The following MKX variants were observed in gnomAD, a reference collection of about 807,000 sequenced individuals.
The protein encoded by MKX is homeobox protein Mohawk.
A neutral mutation model predicts 36.0 loss-of-function variants in MKX; 13 were observed. That is an observed-to-expected ratio of 0.36 (90% CI 0.24 to 0.57). MKX has a LOEUF of 0.57. Among genes scored for constraint, MKX ranks in the 20% least tolerant of loss-of-function variants. MKX has a pLI of 0.79. For synonymous variants in MKX, 176 were observed against 178.3 expected (o/e 0.99, Z 0.10); for missense variants, 458 against 456.4 (o/e 1.00, Z -0.03).
intron 5 of MKX, among the ~76,000 whole-genome samples, chr10:27,679,506 C>T (rs897448905): frequency 2.6e-5 from 4 of 152,174 alleles, no homozygotes; most frequent in African/African-American, 9.7e-5. Flanking sequence ...TGCTCAGTGT[C>T]ACTAGGGTAT....
chr10:27,720,954 C>A (rs1834364072), intron 5 of MKX, among the ~76,000 whole-genome samples: 1 of 152,024 alleles, frequency 6.6e-6, no homozygotes, highest in East Asian at 1.9e-4. Context: ...TTGAAAAGAA[C>A]TCATCTGCAA....
chr10:27,678,423 G>C (rs533069886), intron 5 of MKX, among the ~76,000 whole-genome samples: 1 of 152,228 alleles, frequency 6.6e-6, no homozygotes, highest in African/African-American at 2.4e-5. Context: ...AATAATTTCC[G>C]TGAGGCTTAA....
At chr10:27,717,082 A>C (rs919283761) in intron 5 of MKX, among the ~76,000 whole-genome samples, 16 of 152,162 alleles carry the variant, frequency 1.1e-4, no homozygotes, top group African/African-American at 3.9e-4. Context: ...GGAGTTGGGC[A>C]GCCTCTAGAA....
intron 5 of MKX, among the ~76,000 whole-genome samples, chr10:27,712,691 G>T (rs1211406329): frequency 6.6e-6 from 1 of 152,192 alleles, no homozygotes; most frequent in South Asian, 2.1e-4. Flanking sequence ...GCTCAGGCCT[G>T]TCATCCCAAC....
rs146763999 is a variant in MKX at position 27,700,968 on chromosome 10, A to C, written c.839-25414T>G. ...TTTTGTGGGTACATAGTAGGTGTAT[A>C]TACCTATTTTATTATTGAATAAACT... is the stretch of plus-strand genomic sequence containing the variant. On this transcript the variant is annotated intron_variant, in intron 5 of 6. Coordinates refer to ENST00000419761, the MANE Select transcript of MKX (RefSeq NM_173576.3). 3.4e-3 allele frequency among the ~76,000 whole-genome samples: 512 copies of C among 152,298 alleles called. 4 individuals are homozygous for C. Among genetic ancestry groups the C allele is most frequent in the African/African-American group, 0.012 (494 of 41,560 alleles).
At chr10:27,681,303 G>T (rs999074226) in intron 5 of MKX, among the ~76,000 whole-genome samples, 3 of 152,016 alleles carry the variant, frequency 2.0e-5, no homozygotes, top group African/African-American at 7.3e-5. Context: ...CAAAAAATTA[G>T]CCAGGCGTGG....
At chr10:27,723,212 G>T (rs946028845) in intron 5 of MKX, among the ~76,000 whole-genome samples, 6 of 152,082 alleles carry the variant, frequency 3.9e-5, no homozygotes, top group Non-Finnish European at 8.8e-5. Flanking sequence ...AAGAAAAAAA[G>T]TGCACAGTTA....
intron 5 of MKX, among the ~76,000 whole-genome samples, chr10:27,730,566 T>C (rs1482758627): frequency 6.6e-6 from 1 of 151,428 alleles, no homozygotes; most frequent in Non-Finnish European, 1.5e-5. Context: ...CAAGCGATTC[T>C]CGTACCTCAG....
At chr10:27,725,974 T>G (rs1010782115) in intron 5 of MKX, among the ~76,000 whole-genome samples, 1 of 152,170 alleles carries the variant, frequency 6.6e-6, no homozygotes, top group Non-Finnish European at 1.5e-5. Flanking sequence ...CCCTAGGGAA[T>G]GAGAAAGTCT....
rs10632508 is a variant in MKX at position 27,714,009 on chromosome 10, C to CAAAAAAA, written c.838+20440_838+20446dup. On this transcript the variant is annotated intron_variant, in intron 5 of 6. Transcript: ENST00000419761. ...GAGTACAGCAAATTTGTGCAAAGAC[C>CAAAAAAA]AAAAAAAAAAAAAAAAAAAAGAGGC... Among the ~76,000 whole-genome samples, 595 of 101,788 alleles carry CAAAAAAA rather than the reference C, an allele frequency of 5.8e-3. 17 individuals carry two copies. Among genetic ancestry groups the CAAAAAAA allele is most frequent in the East Asian group, 0.044 (171 of 3,862 alleles). The allele number at this position is 101,788 out of a possible 152,430, so 66.8% of individuals were successfully genotyped here.
chr10:27,697,014 T>C (rs969581255), intron 5 of MKX, among the ~76,000 whole-genome samples: 15 of 152,248 alleles, frequency 9.9e-5, no homozygotes, highest in African/African-American at 3.6e-4. Flanking sequence ...CCTAAAAGAC[T>C]TAAATTGTAT....
chr10:27,709,193 C>A (rs113790246), intron 5 of MKX, among the ~76,000 whole-genome samples: 1 of 102,878 alleles, frequency 9.7e-6, no homozygotes, highest in Non-Finnish European at 2.2e-5. Flanking sequence ...AATAAATAAA[C>A]AACAATACAA....
At chr10:27,712,230 A>G (rs1836886427) in intron 5 of MKX, among the ~76,000 whole-genome samples, 1 of 152,214 alleles carries the variant, frequency 6.6e-6, no homozygotes, top group South Asian at 2.1e-4. Flanking sequence ...CTGTCTTCGA[A>G]TGGGATTCTA....
At position 27,674,964 on chromosome 10, in the gene MKX, G is replaced by A. The variant is rs74129334; in HGVS notation, c.*265C>T. The A allele has an allele frequency of 1.6e-3, 494 of 303,294 alleles. 3 individuals are homozygous for A. The highest frequency in any genetic ancestry group is 9.7e-3 in the African/African-American group (443 of 45,880). The allele number at this position is 303,294 out of a possible 1,614,324, so 18.8% of individuals were successfully genotyped here. A position where few individuals can be genotyped will look rare whatever the true frequency, so the allele number is the denominator to read the frequency against. Reference sequence around the variant, plus strand: ...TATGCCCACGTTGGAGCTTATTGTCGGGAAGCAAGGCACTTACTGTAATGG... The same window carrying A: ...TATGCCCACGTTGGAGCTTATTGTCAGGAAGCAAGGCACTTACTGTAATGG... On this transcript the variant is annotated 3_prime_UTR_variant, in exon 7 of 7. Transcript: ENST00000419761.
Position 27,741,405 on chromosome 10 carries a change from C to A in MKX, c.288G>T (p.Pro96=), listed in dbSNP as rs1184712843. The part of the protein sequence containing the change: ...KQWLYKHRDN[P]YPTKTEKILL... Reference sequence around the variant, plus strand: ...GTATCTTCTCGGTCTTGGTGGGGTACGGGTTGTCACGGTGCTTGTAAAGCC... The same window carrying A: ...GTATCTTCTCGGTCTTGGTGGGGTAAGGGTTGTCACGGTGCTTGTAAAGCC... The change falls in exon 3 of 7, where the codon CCG becomes CCT. Residue 96 remains proline (P), a synonymous_variant. Transcript: ENST00000419761. This position sits in a 1 kb window ranked among gnomAD's most constrained non-coding sequence, Gnocchi z 5.1. The A allele has an allele frequency of 1.9e-6, 3 of 1,613,164 alleles. No individual in the cohort carries two copies. The highest frequency in any genetic ancestry group is 2.2e-5 in the East Asian group (1 of 44,822).
At chr10:27,678,173 A>G (rs886297202) in intron 5 of MKX, among the ~76,000 whole-genome samples, 2 of 152,184 alleles carry the variant, frequency 1.3e-5, no homozygotes, top group Non-Finnish European at 2.9e-5. Context: ...ATTGAGTTCT[A>G]TTCTCCTATC....
intron 5 of MKX, among the ~76,000 whole-genome samples, chr10:27,729,120 C>T (rs1834560338): frequency 6.6e-6 from 1 of 152,194 alleles, no homozygotes; most frequent in Non-Finnish European, 1.5e-5. Context: ...GAAAACACTC[C>T]TATCTGCCTA....
intron 5 of MKX, among the ~76,000 whole-genome samples, chr10:27,694,562 G>T (rs1836517671): frequency 6.8e-6 from 1 of 147,194 alleles, no homozygotes; most frequent in Non-Finnish European, 1.5e-5. Context: ...CGAGTGTGTG[G>T]CGGGCGCCTG....
intron 5 of MKX, among the ~76,000 whole-genome samples, chr10:27,675,796 T>G (rs1465858023): frequency 2.0e-5 from 3 of 152,220 alleles, no homozygotes; most frequent in African/African-American, 7.2e-5. Flanking sequence ...CACAAAAATC[T>G]GAAGTTATTT....
Sources: gnomAD v4.1 joint callset for allele counts (sites outside exome capture counted in the v4.1 genomes callset) on GRCh38, gnomAD v4.1.1 for gene constraint, Gnocchi (gnomAD v3.1) non-coding constraint, MANE v1.5 for transcripts, NCBI Gene and HGNC (gene_info 2026-07-23, HGNC 2026-07-21) for gene names.